Variants in PNOC observed in about 807,000 individuals in gnomAD.
The protein encoded by PNOC is prepronociceptin, also known as nociceptin.
Under a neutral mutation model 15.6 loss-of-function variants are expected in PNOC, and 10 were observed. That is an observed-to-expected ratio of 0.64 (90% CI 0.40 to 1.09). The LOEUF is 1.09. PNOC is among the 50% of genes least tolerant of loss of function. The probability of loss-of-function intolerance (pLI) is 0.01; values close to 1 mark genes in which losing one functional copy is unlikely to be tolerated. For missense variants in PNOC, 220 were observed against 223.9 expected (o/e 0.98, Z 0.11); for synonymous variants, 98 against 88.5 (o/e 1.11, Z -0.60).
chr8:28,326,904 G>A (rs1021300473), intron 1 of PNOC, among the ~76,000 whole-genome samples: 2 of 152,106 alleles, frequency 1.3e-5, no homozygotes, highest in African/African-American at 2.4e-5. Flanking sequence ...CTGATTCAGT[G>A]GTTCTGGGGT....
chr8:28,329,081 G>A, intron 1 of PNOC, 54 bp from the exon 2 acceptor site: 3 of 1,578,870 alleles, frequency 1.9e-6, no homozygotes, highest in Non-Finnish European at 2.6e-6. Flanking sequence ...CTCTGGCCCT[G>A]AGCAGCCCTC....
intron 1 of PNOC, among the ~76,000 whole-genome samples, chr8:28,321,979 T>C (rs1801158447): frequency 6.6e-6 from 1 of 152,210 alleles, no homozygotes; most frequent in African/African-American, 2.4e-5. Context: ...AGGAGTCTTA[T>C]CTGCAATGGG....
chr8:28,320,622 G>T (rs1801134470), intron 1 of PNOC, among the ~76,000 whole-genome samples: 1 of 152,032 alleles, frequency 6.6e-6, no homozygotes, highest in African/African-American at 2.4e-5. Flanking sequence ...AGGCCGAGGT[G>T]GGCAGATCAC....
At chr8:28,334,705 G>A (rs1585837231) in intron 2 of PNOC, among the ~76,000 whole-genome samples, 1 of 152,188 alleles carries the variant, frequency 6.6e-6, no homozygotes, top group East Asian at 1.9e-4. Flanking sequence ...TGTTGCCCAG[G>A]CTGCTCTCAA....
Position 28,343,190 on chromosome 8 carries a change from C to G in PNOC, c.*296C>G, listed in dbSNP as rs1448848411. ...TCAATAGCCCCATCTCTCCTGCTCA[C>G]CCGCCTCTTGCCCCTTCTAGGGGCA... On this transcript the variant is annotated 3_prime_UTR_variant, in exon 4 of 4. Coordinates refer to ENST00000301908, the MANE Select transcript of PNOC (RefSeq NM_006228.5). The G allele has an allele frequency of 6.1e-6, 1 of 164,776 alleles. No individual in the cohort carries two copies. The highest frequency in any genetic ancestry group is 2.4e-5 in the African/African-American group (1 of 41,714). The allele number at this position is 164,776 out of a possible 1,614,324, so 10.2% of individuals were successfully genotyped here.
In PNOC at chr8:28,329,192, G is replaced by T; in HGVS notation, c.35G>T (p.Ser12Ile). 6.2e-7 allele frequency: 1 copy of T among 1,613,976 alleles called. No individual in the cohort carries two copies. Among genetic ancestry groups the T allele is most frequent in the Non-Finnish European group, 8.5e-7 (1 of 1,180,022 alleles). Reference sequence around the variant, plus strand: ...CTGCTTTGTGACCTGCTGCTGCTCAGTCTCTTCTCCAGTGTGTTCAGCAGT... The same window carrying T: ...CTGCTTTGTGACCTGCTGCTGCTCATTCTCTTCTCCAGTGTGTTCAGCAGT... ...KVLLCDLLLLSLFSSVFSSCQ... is the reference protein window; with the variant it reads ...KVLLCDLLLLILFSSVFSSCQ... The change falls in exon 2 of 4, where the codon AGT becomes ATT. Residue 12 changes from serine (S) to isoleucine (I), a missense_variant. Coordinates refer to ENST00000301908, the MANE Select transcript of PNOC (RefSeq NM_006228.5).
chr8:28,338,642 G>T (rs1269564366), intron 2 of PNOC: 1 of 998,274 alleles, frequency 1.0e-6, no homozygotes, highest in Non-Finnish European at 1.2e-6. Context: ...CCACAAGCCT[G>T]AAGAGAGAAC....
intron 3 of PNOC, among the ~76,000 whole-genome samples, chr8:28,340,870 C>A (rs1334333986): frequency 6.6e-6 from 1 of 152,198 alleles, no homozygotes; most frequent in Non-Finnish European, 1.5e-5. Context: ...CAAAGGCATT[C>A]CTGAAGGATC....
intron 1 of PNOC, among the ~76,000 whole-genome samples, chr8:28,324,640 GA>G (rs1261799551): frequency 2.6e-5 from 4 of 152,172 alleles, no homozygotes; most frequent in African/African-American, 9.7e-5. Flanking sequence ...GAAGCGGGAG[GA>G]TCACCTGAGG....
At chr8:28,330,400 T>TTTTTTTTTTTTTTTTTTTTTTTTA (rs869258665) in intron 2 of PNOC, among the ~76,000 whole-genome samples, 5 of 102,222 alleles carry the variant, frequency 4.9e-5, no homozygotes, top group Non-Finnish European at 1.0e-4. Context: ...TATTTTATTT[T>TTTTTTTTTTTTTTTTTTTTTTTTA]TTTTTTTTTT....
chr8:28,324,054 G>C (rs1801186983), intron 1 of PNOC, among the ~76,000 whole-genome samples: 1 of 152,176 alleles, frequency 6.6e-6, no homozygotes, highest in Non-Finnish European at 1.5e-5. Context: ...AGAAGGGTCG[G>C]GAGGTTGGAG....
chr8:28,320,694 C>CA (rs554217692), intron 1 of PNOC, among the ~76,000 whole-genome samples: 4 of 151,610 alleles, frequency 2.6e-5, no homozygotes, highest in South Asian at 4.2e-4. Context: ...ACTAAAAATA[C>CA]AAAAAAATTC....
chr8:28,324,053 G>A (rs558620246), intron 1 of PNOC, among the ~76,000 whole-genome samples: 81 of 152,272 alleles, frequency 5.3e-4, no homozygotes, highest in Middle Eastern at 6.8e-3. Context: ...GAGAAGGGTC[G>A]GGAGGTTGGA....
chr8:28,333,730 C>T (rs931275857), intron 2 of PNOC, among the ~76,000 whole-genome samples: 41 of 152,178 alleles, frequency 2.7e-4, no homozygotes, highest in Non-Finnish European at 4.4e-5. Flanking sequence ...CACAGAAGAT[C>T]TAAGCACCTC....
Position 28,339,246 on chromosome 8 carries a change from C to G in PNOC, c.333C>G (p.Pro111=), listed in dbSNP as rs1234903198. ...GCTTGTTCCAGGAGCAGGAAGAGCC[C>G]GAGCCTGGCATGGAGGAGGCTGGTG... ...VRSLFQEQEE[P]EPGMEEAGEM... Residue 111 remains proline, a synonymous_variant, in exon 3 of 4, where the codon CCC becomes CCG. Coordinates refer to ENST00000301908, the MANE Select transcript of PNOC (RefSeq NM_006228.5). 1 of 1,609,868 alleles carries G rather than the reference C, an allele frequency of 6.2e-7. No homozygotes were observed. The highest frequency in any genetic ancestry group is 2.2e-5 in the East Asian group (1 of 44,774).
intron 3 of PNOC, among the ~76,000 whole-genome samples, chr8:28,340,827 A>G (rs1375829814): frequency 5.3e-5 from 8 of 152,098 alleles, no homozygotes. Flanking sequence ...TAACAACCAG[A>G]TCTCCCACGA....
At chr8:28,342,301 CGA>C in intron 3 of PNOC, among the ~76,000 whole-genome samples, 1 of 144,568 alleles carries the variant, frequency 6.9e-6, no homozygotes, top group South Asian at 2.2e-4. Flanking sequence ...TGCAGTGAGC[CGA>C]GATTGTGCAC....
At chr8:28,322,418 A>T (rs1455208722) in intron 1 of PNOC, among the ~76,000 whole-genome samples, 2 of 152,176 alleles carry the variant, frequency 1.3e-5, no homozygotes, top group South Asian at 2.1e-4. Context: ...AGAAGTAAAT[A>T]AAAAAGGTTG....
At chr8:28,331,181 C>A (rs911890466) in intron 2 of PNOC, among the ~76,000 whole-genome samples, 1 of 152,172 alleles carries the variant, frequency 6.6e-6, no homozygotes, top group Admixed American at 6.5e-5. Context: ...CTCCAGTTAA[C>A]CAATTCACTT....
Sources: allele counts gnomAD v4.1 joint callset (sites outside exome capture counted in the v4.1 genomes callset), GRCh38; gene constraint gnomAD v4.1.1; transcripts MANE v1.5; gene names NCBI Gene and HGNC (gene_info 2026-07-23, HGNC 2026-07-21).